The following B3GALNT1 variants were observed in gnomAD, a reference collection of about 807,000 sequenced individuals.
The protein encoded by B3GALNT1 is beta-1,3-N-acetylgalactosaminyltransferase 1 (Globoside blood group).
A neutral mutation model predicts 27.3 loss-of-function variants in B3GALNT1; 17 were observed. The ratio of observed to expected loss-of-function variants is 0.62; its 90% CI spans 0.43 to 0.94. The LOEUF (loss-of-function observed/expected upper bound fraction) is 0.94. Among genes scored for constraint, B3GALNT1 ranks in the 40% least tolerant of loss-of-function variants. The pLI is 0.00. For synonymous variants in B3GALNT1, 141 were observed against 144.0 expected, an observed-to-expected ratio of 0.98 and a Z score of 0.15; for missense variants, 347 against 390.0, an observed-to-expected ratio of 0.89 and a Z score of 0.93.
At chr3:161,099,138 T>C (rs541145995) in intron 4 of B3GALNT1, among the ~76,000 whole-genome samples, 9 of 152,326 alleles carry the variant, frequency 5.9e-5, no homozygotes, top group African/African-American at 2.2e-4. Context: ...TCCACAAAAG[T>C]GCCAGAGACT....
chr3:161,101,263 G>A (rs1294580542), intron 3 of B3GALNT1, 30 bp from the exon 4 acceptor site: 23 of 1,252,764 alleles, frequency 1.8e-5, no homozygotes, highest in Non-Finnish European at 2.3e-5. Context: ...ACAAAGTCAG[G>A]CAGAACAGCA....
chr3:161,094,762 T>C (rs1727166863), intron 4 of B3GALNT1, among the ~76,000 whole-genome samples: 1 of 151,886 alleles, frequency 6.6e-6, no homozygotes, highest in South Asian at 2.1e-4. Flanking sequence ...CACAATTATT[T>C]TGCACTGCAG....
chr3:161,093,579 G>A (rs1230383197), intron 4 of B3GALNT1, among the ~76,000 whole-genome samples: 2 of 152,030 alleles, frequency 1.3e-5, no homozygotes, highest in African/African-American at 2.4e-5. Context: ...CAATATTGAC[G>A]AATAGAAAAC....
intron 2 of B3GALNT1, chr3:161,103,810 C>A (rs1049465053): frequency 5.0e-5 from 9 of 181,732 alleles, no homozygotes; most frequent in African/African-American, 2.2e-4. Context: ...TCACTGCAAC[C>A]TCTGCCTCCC....
chr3:161,090,727 T>C, intron 4 of B3GALNT1, among the ~76,000 whole-genome samples: 1 of 151,746 alleles, frequency 6.6e-6, no homozygotes, highest in East Asian at 1.9e-4. Flanking sequence ...GTTTAGAAGC[T>C]CAAAATCCTT....
At chr3:161,099,286 GA>G (rs34672399) in intron 4 of B3GALNT1, among the ~76,000 whole-genome samples, 3,816 of 151,774 alleles carry the variant, frequency 0.025, 130 homozygotes, top group Admixed American at 0.073. Context: ...TTGTAGGCAG[GA>G]AAAAAAATGA....
chr3:161,087,038 A>C (rs1433765261), intron 4 of B3GALNT1, among the ~76,000 whole-genome samples: 5 of 152,174 alleles, frequency 3.3e-5, no homozygotes, highest in African/African-American at 4.8e-5. Flanking sequence ...TAGTTATCCT[A>C]CTCTACCTAA....
chr3:161,093,032 C>T (rs919198774), intron 4 of B3GALNT1, among the ~76,000 whole-genome samples: 3 of 152,086 alleles, frequency 2.0e-5, no homozygotes, highest in African/African-American at 7.2e-5. Context: ...GCTGGGATTA[C>T]AGACGTGAGC....
At chr3:161,095,779 G>A (rs1369366950) in intron 4 of B3GALNT1, among the ~76,000 whole-genome samples, 1 of 152,252 alleles carries the variant, frequency 6.6e-6, no homozygotes, top group African/African-American at 2.4e-5. Context: ...AAACAGCCAA[G>A]ATAAAGAAAC....
At chr3:161,095,595 T>G (rs1576718100) in intron 4 of B3GALNT1, among the ~76,000 whole-genome samples, 1 of 151,926 alleles carries the variant, frequency 6.6e-6, no homozygotes. Flanking sequence ...CCAGAGAGAG[T>G]AATGCTACTG....
chr3:161,093,933 C>T (rs868723693), intron 4 of B3GALNT1, among the ~76,000 whole-genome samples: 1 of 152,170 alleles, frequency 6.6e-6, no homozygotes. Flanking sequence ...CTTATCTATC[C>T]CACCAACTTA....
intron 4 of B3GALNT1, among the ~76,000 whole-genome samples, chr3:161,091,172 G>A (rs2108277963): frequency 6.6e-6 from 1 of 152,274 alleles, no homozygotes; most frequent in Middle Eastern, 3.4e-3. Context: ...GGGAGGCTGA[G>A]GCAGAAGGAT....
chr3:161,093,338 A>G (rs1313682151), intron 4 of B3GALNT1, among the ~76,000 whole-genome samples: 2 of 152,216 alleles, frequency 1.3e-5, no homozygotes, highest in African/African-American at 4.8e-5. Context: ...TTTTAAAACG[A>G]TACTCAGGCA....
At chr3:161,086,903 A>T (rs1028717937) in intron 4 of B3GALNT1, 115 bp from the exon 5 acceptor site, 2 of 1,156,238 alleles carry the variant, frequency 1.7e-6, no homozygotes, top group Non-Finnish European at 2.5e-6. Context: ...CCAGAGTAAA[A>T]CAAAAAATCC....
chr3:161,085,621 C>T lies in B3GALNT1; in HGVS notation c.*138G>A. 1.2e-6 allele frequency: 1 copy of T among 858,756 alleles called. No individual in the cohort carries two copies. The highest frequency in any genetic ancestry group is 1.9e-6 in the Non-Finnish European group (1 of 520,124). The allele number at this position is 858,756 out of a possible 1,614,324, so 53.2% of individuals were successfully genotyped here. On this transcript the variant is annotated 3_prime_UTR_variant, in exon 5 of 5. Coordinates refer to ENST00000320474, the MANE Select transcript of B3GALNT1 (RefSeq NM_003781.4). Reference sequence around the variant, plus strand: ...AATCACAAGTGTAACCCTCCAGTCTCCAGTCTGGGTTTTTCATGAGTTTCA... The same window carrying T: ...AATCACAAGTGTAACCCTCCAGTCTTCAGTCTGGGTTTTTCATGAGTTTCA...
At chr3:161,091,300 A>T (rs908220849) in intron 4 of B3GALNT1, among the ~76,000 whole-genome samples, 81 of 152,322 alleles carry the variant, frequency 5.3e-4, no homozygotes, top group Middle Eastern at 3.4e-3. Context: ...AAAAATTTTT[A>T]AAAGAAAAAT....
At position 161,094,383 on chromosome 3, in the gene B3GALNT1, AC is replaced by A. The variant is rs1347904714; in HGVS notation, c.-35+6755del. Among the ~76,000 whole-genome samples the A allele has an allele frequency of 2.6e-5, 4 of 152,190 alleles. No homozygotes were observed. The East Asian group carries it at 7.7e-4, about 29-fold the overall frequency. On this transcript the variant is annotated intron_variant, in intron 4 of 4. Transcript: ENST00000320474. ...ATGCAGATATACACCTTTTTATTTA[AC>A]ACCAAAAACATACTGGACGTCACTA...
At chr3:161,098,952 C>T (rs35152606) in intron 4 of B3GALNT1, among the ~76,000 whole-genome samples, 21,737 of 152,236 alleles carry the variant, frequency 0.14, 1,790 homozygotes, top group East Asian at 0.24. Context: ...AATCAAGCTT[C>T]TCTGTAAAGA....
intron 4 of B3GALNT1, among the ~76,000 whole-genome samples, chr3:161,095,168 T>C (rs1225809854): frequency 1.3e-5 from 2 of 152,098 alleles, no homozygotes; most frequent in Non-Finnish European, 2.9e-5. Context: ...GTCAACTATT[T>C]TCCTCTCTTG....
Sources: gnomAD v4.1 joint callset for allele counts (sites outside exome capture counted in the v4.1 genomes callset) on GRCh38, gnomAD v4.1.1 for gene constraint, MANE v1.5 for transcripts, NCBI Gene and HGNC (gene_info 2026-07-23, HGNC 2026-07-21) for gene names.